NRG1: variants seen among roughly 807,000 people sequenced by gnomAD.
The protein encoded by NRG1 is neuregulin 1.
A neutral mutation model predicts 63.8 loss-of-function variants in NRG1; 18 were observed. The observed-to-expected ratio is 0.28, with a 90% CI of 0.19 to 0.42. NRG1 has a LOEUF of 0.42. NRG1 is among the 10% of genes least tolerant of loss of function. The probability of loss-of-function intolerance (pLI) is 1.00; values close to 1 mark genes in which losing one functional copy is unlikely to be tolerated. For missense variants in NRG1, 762 were observed against 814.7 expected (o/e 0.94, Z 0.79); for synonymous variants, 302 against 301.3 (o/e 1.00, Z -0.02).
chr8:31,838,625 T>C (rs1192924653), intron 1 of NRG1, among the ~76,000 whole-genome samples: 3 of 152,176 alleles, frequency 2.0e-5, no homozygotes. Flanking sequence ...CAGTGTTTAA[T>C]GGTTTTCCTC....
chr8:32,049,766 A>G (rs1821675022), intron 1 of NRG1, among the ~76,000 whole-genome samples: 1 of 152,158 alleles, frequency 6.6e-6, no homozygotes, highest in Non-Finnish European at 1.5e-5. Flanking sequence ...AGGGAAGATG[A>G]TGATTTTCAA....
At chr8:32,225,470 G>A (rs1846227288) in intron 1 of NRG1, among the ~76,000 whole-genome samples, 1 of 152,158 alleles carries the variant, frequency 6.6e-6, no homozygotes, top group Admixed American at 6.5e-5. Context: ...CCAGGTGGCA[G>A]TTAGGGCAAA....
chr8:32,310,659 A>G (rs1335548730), intron 1 of NRG1, among the ~76,000 whole-genome samples: 1 of 152,226 alleles, frequency 6.6e-6, no homozygotes, highest in African/African-American at 2.4e-5. Context: ...AGGAACAAAG[A>G]AAAGAGAATG....
chr8:32,349,746 G>T (rs1050938094), intron 1 of NRG1, among the ~76,000 whole-genome samples: 21 of 152,262 alleles, frequency 1.4e-4, no homozygotes, highest in African/African-American at 4.1e-4. Flanking sequence ...AAAATTAGTG[G>T]TGTTTTCTGA....
At chr8:32,318,744 C>A (rs1291780412) in intron 1 of NRG1, among the ~76,000 whole-genome samples, 1 of 152,084 alleles carries the variant, frequency 6.6e-6, no homozygotes, top group Non-Finnish European at 1.5e-5. Flanking sequence ...GAAGACTTGC[C>A]CAGTTTTATG....
chr8:32,076,101 C>G (rs149413423), intron 1 of NRG1, among the ~76,000 whole-genome samples: 4 of 152,318 alleles, frequency 2.6e-5, no homozygotes, highest in African/African-American at 9.6e-5. Context: ...CTCCCCTGTT[C>G]TTTTCTGCCT....
chr8:32,439,551 T>C (rs1333552944), intron 1 of NRG1, among the ~76,000 whole-genome samples: 5 of 152,272 alleles, frequency 3.3e-5, no homozygotes, highest in Non-Finnish European at 7.4e-5. Context: ...TCTCGACCTT[T>C]GCTCCCCAAA....
intron 1 of NRG1, among the ~76,000 whole-genome samples, chr8:32,186,582 G>T (rs1384974214): frequency 6.6e-6 from 1 of 152,174 alleles, no homozygotes; most frequent in African/African-American, 2.4e-5. Context: ...TGCTGCTGGT[G>T]GCACACTGGA....
intron 1 of NRG1, among the ~76,000 whole-genome samples, chr8:31,796,414 CTTTTTTTTTTTTTTTTTTTTTT>C (rs1158508289): frequency 1.4e-4 from 6 of 43,340 alleles, no homozygotes; most frequent in Admixed American, 4.3e-4. Flanking sequence ...GGCGTATAAT[CTTTTTTTTTTTTTTTTTTTTTT>C]TTTTTTTTTT....
intron 1 of NRG1, among the ~76,000 whole-genome samples, chr8:31,880,726 T>G (rs558771385): frequency 1.3e-5 from 2 of 152,218 alleles, no homozygotes; most frequent in Non-Finnish European, 2.9e-5. Context: ...TCTTTAGTTA[T>G]TTTTTAAATA....
At chr8:32,736,850 C>G (rs1825193335) in intron 6 of NRG1, among the ~76,000 whole-genome samples, 1 of 151,946 alleles carries the variant, frequency 6.6e-6, no homozygotes, top group Admixed American at 6.5e-5. Flanking sequence ...CTAGAAGTTT[C>G]TTGGGGTCCG....
At chr8:31,998,607 A>G (rs1312994351) in intron 1 of NRG1, among the ~76,000 whole-genome samples, 1 of 151,946 alleles carries the variant, frequency 6.6e-6, no homozygotes, top group East Asian at 1.9e-4. Flanking sequence ...TCACTTCATG[A>G]GTCAATAGGA....
intron 1 of NRG1, among the ~76,000 whole-genome samples, chr8:32,186,234 G>A (rs1004781890): frequency 1.3e-5 from 2 of 152,142 alleles, no homozygotes; most frequent in African/African-American, 4.8e-5. Flanking sequence ...GGAGGCTGAG[G>A]TGGGTGGTAA....
At chr8:32,296,528 C>T (rs775457520) in intron 1 of NRG1, among the ~76,000 whole-genome samples, 3 of 150,732 alleles carry the variant, frequency 2.0e-5, no homozygotes, top group Non-Finnish European at 4.4e-5. Flanking sequence ...ACAGGAGAAT[C>T]GCTTAAACCT....
rs1829139275 is a variant in NRG1 at position 32,091,404 on chromosome 8, G to A, written c.37+451973G>A. On this transcript the variant is annotated intron_variant, in intron 1 of 10. Coordinates refer to the NRG1 transcript ENST00000519301. Reference sequence around the variant, plus strand: ...GGTGGCAAGTTGGGAGAGAGAAAGGGCATTTCTGAAGTAATAATAAAATGA... The same window carrying A: ...GGTGGCAAGTTGGGAGAGAGAAAGGACATTTCTGAAGTAATAATAAAATGA... 2.0e-5 allele frequency among the ~76,000 whole-genome samples: 3 copies of A among 152,196 alleles called. No individual in the cohort carries two copies. In the South Asian group the frequency reaches 6.2e-4, roughly 32 times the overall value.
intron 1 of NRG1, among the ~76,000 whole-genome samples, chr8:32,418,312 GAAGTT>G (rs1261869307): frequency 6.6e-6 from 1 of 151,766 alleles, no homozygotes; most frequent in Non-Finnish European, 1.5e-5. Context: ...AGAAATAAGT[GAAGTT>G]AATTTTAATA....
intron 1 of NRG1, among the ~76,000 whole-genome samples, chr8:31,659,493 G>C (rs937781823): frequency 1.3e-5 from 2 of 152,036 alleles, no homozygotes; most frequent in African/African-American, 4.8e-5. Context: ...GGGGCGAGGG[G>C]GGATACCTCC....
chr8:31,834,452 A>C (rs550011142), intron 1 of NRG1, among the ~76,000 whole-genome samples: 1 of 152,332 alleles, frequency 6.6e-6, no homozygotes, highest in African/African-American at 2.4e-5. Flanking sequence ...AATGCCTGTA[A>C]TCTCAGCAGT....
chr8:31,816,674 G>A (rs1823477342), intron 1 of NRG1, among the ~76,000 whole-genome samples: 1 of 152,146 alleles, frequency 6.6e-6, no homozygotes, highest in Non-Finnish European at 1.5e-5. Flanking sequence ...TTTTTCTTAA[G>A]CTTAGTCAGC....
Sources: gnomAD v4.1 joint callset for allele counts (sites outside exome capture counted in the v4.1 genomes callset) on GRCh38, gnomAD v4.1.1 for gene constraint, MANE v1.5 for transcripts, NCBI Gene and HGNC (gene_info 2026-07-23, HGNC 2026-07-21) for gene names.